OPHN1: variants seen among roughly 807,000 people sequenced by gnomAD.
The protein encoded by OPHN1 is oligophrenin-1.
A neutral mutation model predicts 60.7 loss-of-function variants in OPHN1; 11 were observed. The ratio of observed to expected loss-of-function variants is 0.18; its 90% confidence interval spans 0.11 to 0.30. OPHN1 has a LOEUF of 0.30. OPHN1 is among the 10% of genes least tolerant of loss of function. The probability of loss-of-function intolerance (pLI) is 1.00; values close to 1 mark genes in which losing one functional copy is unlikely to be tolerated. For synonymous variants in OPHN1, 226 were observed against 222.6 expected (o/e 1.02, Z -0.14); for missense variants, 449 against 611.0 (o/e 0.73, Z 2.80).
At chrX:68,370,700 T>C (rs933356924) in intron 2 of OPHN1, among the ~76,000 whole-genome samples, 2 of 111,815 alleles carry the variant, frequency 1.8e-5, no homozygotes, top group Non-Finnish European at 3.8e-5. Flanking sequence ...TTATTGAACA[T>C]AGTATGTAGA....
intron 5 of OPHN1, among the ~76,000 whole-genome samples, chrX:68,270,188 T>A (rs2077959625): frequency 1.8e-5 from 2 of 111,266 alleles, no homozygotes; most frequent in African/African-American, 6.6e-5. Context: ...TGGCAATTCC[T>A]CAGGGATCTA....
At chrX:68,370,276 C>T (rs1403991085) in intron 2 of OPHN1, among the ~76,000 whole-genome samples, 1 of 109,306 alleles carries the variant, frequency 9.1e-6, no homozygotes, top group Non-Finnish European at 1.9e-5. Context: ...CCAGCCAAGG[C>T]AGGTGGATCA....
At chrX:68,289,444 G>C (rs1461135018) in intron 3 of OPHN1, among the ~76,000 whole-genome samples, 1 of 112,382 alleles carries the variant, frequency 8.9e-6, no homozygotes, top group Non-Finnish European at 1.9e-5. Flanking sequence ...AAATTACAGT[G>C]TTATGCACTG....
intron 2 of OPHN1, among the ~76,000 whole-genome samples, chrX:68,377,429 T>TTATTA (rs1569296376): frequency 1.9e-5 from 2 of 105,842 alleles, no homozygotes; most frequent in African/African-American, 7.0e-5. Flanking sequence ...TTTTTTATTT[T>TTATTA]TTATTATTAT....
At chrX:68,080,317 G>A (rs994178510) in intron 19 of OPHN1, among the ~76,000 whole-genome samples, 11 of 111,815 alleles carry the variant, frequency 9.8e-5, no homozygotes, top group Admixed American at 3.8e-4. Flanking sequence ...TTATTTTATG[G>A]AACTTAATTT....
At chrX:68,090,599 G>C (rs2077013792) in intron 19 of OPHN1, among the ~76,000 whole-genome samples, 1 of 110,591 alleles carries the variant, frequency 9.0e-6, no homozygotes, top group African/African-American at 3.3e-5. Flanking sequence ...AGGGTCTCTT[G>C]TTTGCCTTCT....
At chrX:68,350,810 A>G (rs2078406692) in intron 2 of OPHN1, among the ~76,000 whole-genome samples, 1 of 110,782 alleles carries the variant, frequency 9.0e-6, no homozygotes, top group Non-Finnish European at 1.9e-5. Context: ...CCATTGCACC[A>G]GGTCAAAAAA....
At chrX:68,207,472 TA>T (rs2077564794) in intron 9 of OPHN1, among the ~76,000 whole-genome samples, 1 of 111,418 alleles carries the variant, frequency 9.0e-6, no homozygotes, top group Non-Finnish European at 1.9e-5. Context: ...AACATATTTT[TA>T]AAAAACAAAA....
chrX:68,075,744 C>G (rs2076951013), intron 19 of OPHN1, among the ~76,000 whole-genome samples: 1 of 73,616 alleles, frequency 1.4e-5, no homozygotes, highest in Admixed American at 2.1e-4. Flanking sequence ...GGAGAAAGGA[C>G]AGCAATGGTA....
intron 3 of OPHN1, among the ~76,000 whole-genome samples, chrX:68,285,208 T>C (rs1046990389): frequency 7.1e-5 from 8 of 111,959 alleles, no homozygotes; most frequent in Non-Finnish European, 1.3e-4. Context: ...ATATTCTTTT[T>C]CTGTTCTCCA....
At chrX:68,394,131 G>A (rs1026951799) in intron 2 of OPHN1, among the ~76,000 whole-genome samples, 204 of 109,573 alleles carry the variant, frequency 1.9e-3, no homozygotes, top group African/African-American at 6.4e-3. Flanking sequence ...TCCTGACCTC[G>A]TGATCCGCCC....
chrX:68,054,583 C>CA (rs1468532868), intron 21 of OPHN1, among the ~76,000 whole-genome samples: 171 of 109,644 alleles, frequency 1.6e-3, no homozygotes, highest in Non-Finnish European at 2.6e-3. Flanking sequence ...CAAAACAAAA[C>CA]AAAAAAAACA....
chrX:68,243,706 T>C (rs990482966), intron 5 of OPHN1, among the ~76,000 whole-genome samples: 2 of 111,863 alleles, frequency 1.8e-5, no homozygotes, highest in African/African-American at 3.2e-5. Context: ...ATATTTTAGC[T>C]TAATAAAAGC....
chrX:68,118,700 C>T (rs2077137683), intron 16 of OPHN1, among the ~76,000 whole-genome samples: 1 of 111,698 alleles, frequency 9.0e-6, no homozygotes, highest in Admixed American at 9.5e-5. Context: ...TTGCACATTC[C>T]CAAATTTTGT....
chrX:68,342,018 A>T (rs1374079310), intron 2 of OPHN1, among the ~76,000 whole-genome samples: 1 of 95,309 alleles, frequency 1.0e-5, no homozygotes, highest in Non-Finnish European at 2.1e-5. Flanking sequence ...CATCCAGGCT[A>T]AAGTGCAGCG....
intron 5 of OPHN1, among the ~76,000 whole-genome samples, chrX:68,261,027 T>C (rs1347230354): frequency 8.9e-6 from 1 of 111,802 alleles, no homozygotes; most frequent in Non-Finnish European, 1.9e-5. Flanking sequence ...AGAAACATCA[T>C]TAAGACTGAC....
intron 20 of OPHN1, 45 bp downstream of exon 20, chrX:68,073,107 T>C (rs1262018562): frequency 8.5e-7 from 1 of 1,174,587 alleles, no homozygotes; most frequent in Non-Finnish European, 1.1e-6. Context: ...ATCCTCTTTG[T>C]GTCTAATCAC....
At chrX:68,206,417 C>T (rs2077559657) in intron 10 of OPHN1, among the ~76,000 whole-genome samples, 156 bp downstream of exon 10, 1 of 111,843 alleles carries the variant, frequency 8.9e-6, no homozygotes, top group Non-Finnish European at 1.9e-5. Flanking sequence ...CAACTCAGTG[C>T]TATCTGACTC....
intron 18 of OPHN1, among the ~76,000 whole-genome samples, chrX:68,107,759 A>G (rs1040611011): frequency 8.9e-6 from 1 of 112,080 alleles, no homozygotes; most frequent in Non-Finnish European, 1.9e-5. Flanking sequence ...TACAGGCCTG[A>G]GCCACTGCAC....
Sources: gnomAD v4.1 joint callset for allele counts (sites outside exome capture counted in the v4.1 genomes callset) on GRCh38, gnomAD v4.1.1 for gene constraint, MANE v1.5 for transcripts, NCBI Gene and HGNC (gene_info 2026-07-23, HGNC 2026-07-21) for gene names.